The following ADORA2B variants were observed in gnomAD, a reference collection of about 807,000 sequenced individuals.
ADORA2B encodes the protein adenosine receptor A2b.
A neutral mutation model predicts 20.8 loss-of-function variants in ADORA2B; 18 were observed. The ratio of observed to expected loss-of-function variants is 0.87; its 90% CI spans 0.60 to 1.29. ADORA2B has a LOEUF of 1.29. ADORA2B is among the 50% of genes most tolerant of loss of function. The pLI is 0.00. For synonymous variants in ADORA2B, 179 were observed against 178.3 expected (o/e 1.00, Z -0.03); for missense variants, 441 against 422.7 (o/e 1.04, Z -0.38).
At position 15,974,682 on chromosome 17, in the gene ADORA2B, T is replaced by A. The variant is rs757098840; in HGVS notation, c.339T>A (p.Tyr113Ter). Reference sequence around the variant, plus strand: ...CAGATGGTATTCTTTTAAACAGGTATAAAAGTTTGGTCACGGGGACCCGAG... The same window carrying A: ...CAGATGGTATTCTTTTAAACAGGTAAAAAAGTTTGGTCACGGGGACCCGAG... ...RYLAICVPLR[Y>*]KSLVTGTRAR... Residue 113 changes from tyrosine (Y) to a stop codon, truncating the protein, a stop_gained, in exon 2 of 2, where the codon TAT (tyrosine) becomes TAA (stop). Transcript: ENST00000304222. LOFTEE classifies it high-confidence loss of function. 2 of 1,612,622 alleles carry A rather than the reference T, an allele frequency of 1.2e-6. No homozygotes were observed. The highest frequency in any genetic ancestry group is 8.5e-7 in the Non-Finnish European group (1 of 1,179,022).
At chr17:15,908,383 T>A in the ADORA2B span, among the ~76,000 whole-genome samples, 1 of 152,230 alleles carries the variant, frequency 6.6e-6, no homozygotes, top group South Asian at 2.1e-4. Flanking sequence ...TTCTTTTAAC[T>A]CATCACATTC....
At chr17:15,893,184 A>G in the ADORA2B span, among the ~76,000 whole-genome samples, 3 of 152,212 alleles carry the variant, frequency 2.0e-5, no homozygotes, top group Non-Finnish European at 2.9e-5. Context: ...AAGCTCTCCT[A>G]GAGACCTAAC....
chr17:15,967,049 C>T (rs915133047), intron 1 of ADORA2B, among the ~76,000 whole-genome samples: 2 of 152,108 alleles, frequency 1.3e-5, no homozygotes, highest in Non-Finnish European at 2.9e-5. Context: ...GGGAGGGAGG[C>T]AGAGTCTGCA....
chr17:15,912,757 C>A, the ADORA2B span, among the ~76,000 whole-genome samples: 1 of 152,198 alleles, frequency 6.6e-6, no homozygotes, highest in African/African-American at 2.4e-5. Flanking sequence ...TATGGAGGGC[C>A]AATGACTTAG....
At chr17:15,920,494 G>A in the ADORA2B span, among the ~76,000 whole-genome samples, 1 of 152,268 alleles carries the variant, frequency 6.6e-6, no homozygotes, top group East Asian at 1.9e-4. Context: ...AGGCTGAGGC[G>A]GGTAGATCAC....
chr17:15,958,381 C>T (rs1380581332), intron 1 of ADORA2B, among the ~76,000 whole-genome samples: 1 of 152,234 alleles, frequency 6.6e-6, no homozygotes, highest in Non-Finnish European at 1.5e-5. Context: ...ACGTCTGCCC[C>T]ATTCCAGGGC....
At chr17:15,912,532 G>T in the ADORA2B span, among the ~76,000 whole-genome samples, 2 of 152,124 alleles carry the variant, frequency 1.3e-5, no homozygotes, top group African/African-American at 4.8e-5. Flanking sequence ...TCGGATAAGG[G>T]ATCATCACTT....
chr17:15,883,285 A>G, the ADORA2B span, among the ~76,000 whole-genome samples: 4 of 152,340 alleles, frequency 2.6e-5, no homozygotes, highest in East Asian at 7.7e-4. Flanking sequence ...TTTAAAAAAA[A>G]TTTCTCTTAC....
the ADORA2B span, among the ~76,000 whole-genome samples, chr17:15,934,800 A>AT: frequency 6.6e-6 from 1 of 151,892 alleles, no homozygotes; most frequent in African/African-American, 2.4e-5. Flanking sequence ...GTATTAATTA[A>AT]TTTATTTATT....
chr17:15,932,386 G>A, the ADORA2B span, among the ~76,000 whole-genome samples: 1 of 151,870 alleles, frequency 6.6e-6, no homozygotes, highest in South Asian at 2.1e-4. Context: ...CCAGCTACTG[G>A]GGAGGCTGAG....
intron 1 of ADORA2B, among the ~76,000 whole-genome samples, chr17:15,952,677 A>T (rs528840461): frequency 2.5e-4 from 38 of 152,346 alleles, no homozygotes; most frequent in African/African-American, 8.2e-4. Context: ...CAAATGGACG[A>T]GTGAGGAAAG....
the ADORA2B span, among the ~76,000 whole-genome samples, chr17:15,873,162 A>T: frequency 6.6e-6 from 1 of 152,330 alleles, no homozygotes; most frequent in Middle Eastern, 3.4e-3. Context: ...TGAGATGATC[A>T]TATGGTTTTT....
At chr17:15,871,734 C>T in the ADORA2B span, among the ~76,000 whole-genome samples, 1 of 152,182 alleles carries the variant, frequency 6.6e-6, no homozygotes, top group African/African-American at 2.4e-5. Flanking sequence ...TAATTAATTC[C>T]TTGGGGGAAT....
At chr17:15,863,489 G>T in the ADORA2B span, among the ~76,000 whole-genome samples, 1,776 of 152,170 alleles carry the variant, frequency 0.012, 20 homozygotes, top group Non-Finnish European at 0.018. Context: ...GGGACTACAG[G>T]TGTGCGCTAC....
the ADORA2B span, among the ~76,000 whole-genome samples, chr17:15,892,710 A>T: frequency 6.7e-6 from 1 of 149,618 alleles, no homozygotes; most frequent in Non-Finnish European, 1.5e-5. Context: ...TCATTAATAG[A>T]CACCTCATGG....
At position 15,950,021 on chromosome 17, in the gene ADORA2B, C is replaced by T. The variant is rs114333344; in HGVS notation, c.335+4438C>T. The stretch of plus-strand genomic sequence containing the variant: ...GGTTGGATGATGGCCCCCTGCAAAA[C>T]GTATGTCCATATTTTAATTCCCAGA... On this transcript the variant is annotated intron_variant, in intron 1 of 1. Coordinates refer to ENST00000304222, the MANE Select transcript of ADORA2B (RefSeq NM_000676.4). Among the ~76,000 whole-genome samples, 1,130 of 152,294 alleles carry T rather than the reference C, an allele frequency of 7.4e-3. 8 individuals are homozygous for T. Among genetic ancestry groups the T allele is most frequent in the African/African-American group, 0.025 (1,041 of 41,566 alleles).
the ADORA2B span, among the ~76,000 whole-genome samples, chr17:15,851,662 C>T: frequency 6.6e-6 from 1 of 152,160 alleles, no homozygotes; most frequent in African/African-American, 2.4e-5. Context: ...CTTAATAAGC[C>T]AAGCTTTAAG....
the ADORA2B span, among the ~76,000 whole-genome samples, chr17:15,863,298 C>T: frequency 6.6e-6 from 1 of 152,012 alleles, no homozygotes; most frequent in Non-Finnish European, 1.5e-5. Context: ...AAAGCAATGG[C>T]AGGATATCTG....
chr17:15,909,276 A>C, the ADORA2B span, among the ~76,000 whole-genome samples: 1 of 152,148 alleles, frequency 6.6e-6, no homozygotes, highest in Non-Finnish European at 1.5e-5. Context: ...AAAACACACA[A>C]AAAAACACAC....
Sources: gnomAD v4.1 joint callset for allele counts (sites outside exome capture counted in the v4.1 genomes callset) on GRCh38, gnomAD v4.1.1 for gene constraint, MANE v1.5 for transcripts, NCBI Gene and HGNC (gene_info 2026-07-23, HGNC 2026-07-21) for gene names.